The following PDE1A variants were observed in gnomAD, a reference collection of about 807,000 sequenced individuals.
PDE1A encodes the protein phosphodiesterase 1A, also known as dual specificity calcium/calmodulin-dependent 3',5'-cyclic nucleotide phosphodiesterase 1A.
PDE1A carries 35 observed loss-of-function variants against 61.7 expected under a neutral mutation model. The observed-to-expected ratio is 0.57, with a 90% confidence interval of 0.43 to 0.75. PDE1A has a LOEUF of 0.75. PDE1A is among the 30% of genes least tolerant of loss of function. The pLI is 0.00. For synonymous variants in PDE1A, 232 were observed against 213.2 expected (o/e 1.09, Z -0.77); for missense variants, 597 against 630.6 (o/e 0.95, Z 0.57).
intron 2 of PDE1A, among the ~76,000 whole-genome samples, chr2:182,256,589 A>G (rs1322599831): frequency 6.6e-6 from 1 of 152,094 alleles, no homozygotes; most frequent in Non-Finnish European, 1.5e-5. Flanking sequence ...ATTATTCACA[A>G]TAGCAAAGAC....
chr2:182,616,545 T>C, the PDE1A span, among the ~76,000 whole-genome samples: 1 of 152,236 alleles, frequency 6.6e-6, no homozygotes, highest in African/African-American at 2.4e-5. Flanking sequence ...AAAATCATTT[T>C]CTTGATTCAG....
At chr2:182,714,124 T>C in the PDE1A span, among the ~76,000 whole-genome samples, 92 of 152,374 alleles carry the variant, frequency 6.0e-4, no homozygotes, top group African/African-American at 2.2e-3. Flanking sequence ...CTCAAATTAA[T>C]GTTTATTCAT....
In PDE1A at chr2:182,406,373, T is replaced by TAA. The variant is rs34640250; in HGVS notation, c.53+20203_53+20204dup. Among the ~76,000 whole-genome samples the TAA allele has an allele frequency of 5.9e-3, 874 of 149,142 alleles. 10 individuals carry two copies. Among genetic ancestry groups the TAA allele is most frequent in the Non-Finnish European group, 6.2e-3 (415 of 67,038 alleles). Reference sequence around the variant, plus strand: ...TATTTTTAGGTTTTTTGGCTCACAGTAAAAAAAAAAAAATGTAGATTTCCA... The same window carrying TAA: ...TATTTTTAGGTTTTTTGGCTCACAGTAAAAAAAAAAAAAAATGTAGATTTCCA... On this transcript the variant is annotated intron_variant, in intron 1 of 13. Coordinates refer to ENST00000351439, the Ensembl canonical transcript of PDE1A.
At chr2:182,475,016 C>T (rs1687263705) in intron 2 of PDE1A, among the ~76,000 whole-genome samples, 2 of 151,940 alleles carry the variant, frequency 1.3e-5, no homozygotes, top group South Asian at 4.1e-4. Flanking sequence ...TGGGGTATCC[C>T]TTGTCACAGC....
At chr2:182,161,461 C>T (rs1691377677) in intron 13 of PDE1A, among the ~76,000 whole-genome samples, 1 of 152,072 alleles carries the variant, frequency 6.6e-6, no homozygotes, top group Admixed American at 6.5e-5. Flanking sequence ...GGTGACTGTC[C>T]TCTCCACCTC....
At chr2:182,464,203 G>C (rs888281879) in intron 2 of PDE1A, among the ~76,000 whole-genome samples, 1 of 152,112 alleles carries the variant, frequency 6.6e-6, no homozygotes, top group Non-Finnish European at 1.5e-5. Flanking sequence ...GAAATTCTGA[G>C]TAGTGTTAAT....
At position 182,169,960 on chromosome 2, in the gene PDE1A, T is replaced by C. The variant is rs563055546; in HGVS notation, c.1517-1670A>G. ...CACACTCTCCCTCTCTCTCTTTCTC[T>C]TTCATACACACACACACACACACAC... is the stretch of plus-strand genomic sequence containing the variant. On this transcript the variant is annotated intron_variant, in intron 13 of 13. Transcript: ENST00000351439. Among the ~76,000 whole-genome samples the C allele has an allele frequency of 4.7e-5, 6 of 127,188 alleles. No homozygotes were observed. The East Asian group carries it at 1.5e-3, about 33-fold the overall frequency. 83.4% of individuals were successfully genotyped at this position (127,188 alleles called of 152,430 possible). A position where few individuals can be genotyped will look rare whatever the true frequency, so the allele number is the denominator to read the frequency against.
the PDE1A span, among the ~76,000 whole-genome samples, chr2:182,672,677 T>C: frequency 6.6e-6 from 1 of 152,336 alleles, no homozygotes; most frequent in Admixed American, 6.5e-5. Context: ...CAGCCGTTAG[T>C]AACAACTATT....
intron 1 of PDE1A, among the ~76,000 whole-genome samples, chr2:182,370,219 G>T (rs1481211399): frequency 6.6e-6 from 1 of 151,932 alleles, no homozygotes; most frequent in South Asian, 2.1e-4. Flanking sequence ...AAGAAAGGAG[G>T]TTAATCTTTT....
At position 182,453,115 on chromosome 2, in the gene PDE1A, G is replaced by A. The variant is rs138957480; in HGVS notation, c.101+69161C>T. Among the ~76,000 whole-genome samples the A allele has an allele frequency of 1.0e-3, 156 of 152,218 alleles. No individual in the cohort carries two copies. The Middle Eastern group carries it at 0.014, about 13-fold the overall frequency. On this transcript the variant is annotated intron_variant, in intron 2 of 14. Transcript: ENST00000410103. Reference sequence around the variant, plus strand: ...TTCATGTGACCAGAAGTGACTTGACGTATTTTTATGGCCTAAAAATGATCA... The same window carrying A: ...TTCATGTGACCAGAAGTGACTTGACATATTTTTATGGCCTAAAAATGATCA...
the PDE1A span, among the ~76,000 whole-genome samples, chr2:182,529,331 GA>G: frequency 6.6e-6 from 1 of 152,196 alleles, no homozygotes; most frequent in Non-Finnish European, 1.5e-5. Context: ...ACTGGATTTC[GA>G]ACTTGATAGG....
chr2:182,440,986 A>T (rs1023404125), intron 2 of PDE1A, among the ~76,000 whole-genome samples: 2 of 152,104 alleles, frequency 1.3e-5, no homozygotes, highest in Non-Finnish European at 2.9e-5. Flanking sequence ...ACTAATAAAG[A>T]CATACCTTAG....
At chr2:182,418,026 C>T (rs62190201) in intron 1 of PDE1A, among the ~76,000 whole-genome samples, 24,384 of 152,024 alleles carry the variant, frequency 0.16, 2,308 homozygotes, top group Middle Eastern at 0.3. Flanking sequence ...AAATCTATCC[C>T]ATAAAAAAAT....
intron 2 of PDE1A, among the ~76,000 whole-genome samples, chr2:182,462,339 ATATATG>A (rs1205780719): frequency 6.6e-6 from 1 of 151,154 alleles, no homozygotes; most frequent in African/African-American, 2.4e-5. Context: ...AAGTATATAT[ATATATG>A]TATATCTTAT....
intron 2 of PDE1A, among the ~76,000 whole-genome samples, chr2:182,244,971 A>T (rs1690841090): frequency 6.6e-6 from 1 of 152,206 alleles, no homozygotes; most frequent in African/African-American, 2.4e-5. Flanking sequence ...CCCAGTTACA[A>T]CAATGGCCTT....
chr2:182,597,061 G>A, the PDE1A span, among the ~76,000 whole-genome samples: 2 of 151,894 alleles, frequency 1.3e-5, no homozygotes, highest in Non-Finnish European at 2.9e-5. Context: ...GCTGAGGTGG[G>A]AAGATCACCT....
chr2:182,622,822 G>C, the PDE1A span, among the ~76,000 whole-genome samples: 1 of 152,002 alleles, frequency 6.6e-6, no homozygotes, highest in Non-Finnish European at 1.5e-5. Context: ...AAGAAAACTG[G>C]AACAATAAGC....
intron 1 of PDE1A, among the ~76,000 whole-genome samples, chr2:182,407,769 G>T (rs570783356): frequency 6.6e-6 from 1 of 152,262 alleles, no homozygotes; most frequent in African/African-American, 2.4e-5. Flanking sequence ...TGAAGCAAAT[G>T]TATGTAGCTA....
chr2:182,164,811 TG>T (rs1559126843), downstream of PDE1A, among the ~76,000 whole-genome samples: 3 of 152,260 alleles, frequency 2.0e-5, no homozygotes, highest in African/African-American at 7.2e-5. Context: ...TTGTCCTTAC[TG>T]GCATAGACAC....
Sources: allele counts gnomAD v4.1 joint callset (sites outside exome capture counted in the v4.1 genomes callset), GRCh38; gene constraint gnomAD v4.1.1; transcripts MANE v1.5; gene names NCBI Gene and HGNC (gene_info 2026-07-23, HGNC 2026-07-21).